The following PATJ variants were observed in gnomAD, a reference collection of about 807,000 sequenced individuals.
The protein encoded by PATJ is PATJ crumbs cell polarity complex component, also known as inaD-like protein.
In PATJ, 190 loss-of-function variants were observed where a neutral mutation model predicts 224.9. The ratio of observed to expected loss-of-function variants is 0.84; its 90% CI spans 0.75 to 0.95. The LOEUF (loss-of-function observed/expected upper bound fraction) is 0.95, where lower values mean the gene tolerates loss of function less well. PATJ is among the 40% of genes least tolerant of loss of function. The pLI, the probability that PATJ is intolerant of heterozygous loss-of-function variation, is 0.00. For missense variants in PATJ, 2,121 were observed against 2,270.3 expected, an observed-to-expected ratio of 0.93 and a Z score of 1.34; for synonymous variants, 769 against 820.3, an observed-to-expected ratio of 0.94 and a Z score of 1.07.
intron 33 of PATJ, among the ~76,000 whole-genome samples, chr1:62,105,299 G>T (rs1428401626): frequency 6.6e-6 from 1 of 152,092 alleles, no homozygotes; most frequent in Non-Finnish European, 1.5e-5. Context: ...CTTTTGTAAT[G>T]TTCCAAGATC....
At chr1:61,923,922 CAAAAAAAAAA>C (rs535481890) in intron 26 of PATJ, among the ~76,000 whole-genome samples, 1 of 77,790 alleles carries the variant, frequency 1.3e-5, no homozygotes, top group African/African-American at 5.5e-5. Flanking sequence ...AACTCCATCT[CAAAAAAAAAA>C]AAAAAAAAGT....
At chr1:61,797,561 G>A in intron 11 of PATJ, 133 bp downstream of exon 11, 2 of 724,066 alleles carry the variant, frequency 2.8e-6, no homozygotes, top group Non-Finnish European at 4.6e-6. Context: ...GGAGAAATGA[G>A]TCAGCTCATT....
At chr1:61,832,860 G>T (rs551772152) in intron 16 of PATJ, among the ~76,000 whole-genome samples, 19 of 152,212 alleles carry the variant, frequency 1.2e-4, no homozygotes, top group African/African-American at 4.3e-4. Context: ...GTTTTTTGAA[G>T]CAGCCATTCT....
chr1:61,914,991 G>A (rs1673248937), intron 26 of PATJ, among the ~76,000 whole-genome samples: 1 of 152,122 alleles, frequency 6.6e-6, no homozygotes, highest in South Asian at 2.1e-4. Context: ...GCTCTCGCCT[G>A]GAAGTCCATT....
chr1:62,072,995 A>G, intron 31 of PATJ: 1 of 974,350 alleles, frequency 1.0e-6, no homozygotes. Flanking sequence ...CAATGCTGCT[A>G]ATTGGTTGTG....
At chr1:62,066,267 A>T (rs1180041240) in intron 31 of PATJ, among the ~76,000 whole-genome samples, 1 of 152,240 alleles carries the variant, frequency 6.6e-6, no homozygotes, top group South Asian at 2.1e-4. Flanking sequence ...CATTTTATAG[A>T]TAAGGAAACT....
chr1:61,751,277 A>G (rs561122235), intron 1 of PATJ, among the ~76,000 whole-genome samples: 7 of 152,278 alleles, frequency 4.6e-5, no homozygotes, highest in African/African-American at 1.4e-4. Context: ...CTGGGAGTAC[A>G]GGCGTGAGCC....
chr1:62,160,967 C>G lies in PATJ; in HGVS notation c.5562C>G (p.Gly1854=). The G allele has an allele frequency of 6.2e-7, 1 of 1,613,558 alleles. No homozygotes were observed. Among genetic ancestry groups the G allele is most frequent in the South Asian group, 1.1e-5 (1 of 90,994 alleles). The change falls in exon 44 of 44, where the codon GGC becomes GGG. Residue 1854 remains glycine, a synonymous_variant. Coordinates refer to ENST00000642238, the MANE Select transcript of PATJ (RefSeq NM_001350145.3). ...KRGDQILAVN[G]ETLEGVTHEQ... ...GGGATCAGATTTTAGCTGTTAATGG[C>G]GAGACCCTGGAAGGTGTTACTCATG...
At chr1:61,774,732 T>G (rs1156540456) in intron 6 of PATJ, among the ~76,000 whole-genome samples, 1 of 152,250 alleles carries the variant, frequency 6.6e-6, no homozygotes, top group African/African-American at 2.4e-5. Flanking sequence ...TCCTTTGTAG[T>G]GCAACTTAAA....
At chr1:62,126,324 C>T (rs887743536) in intron 39 of PATJ, among the ~76,000 whole-genome samples, 5 of 152,154 alleles carry the variant, frequency 3.3e-5, no homozygotes, top group African/African-American at 1.2e-4. Context: ...AAAAATAAAA[C>T]TGGGAACTTC....
chr1:61,981,129 C>T (rs766629335), intron 27 of PATJ, among the ~76,000 whole-genome samples: 6 of 151,942 alleles, frequency 3.9e-5, no homozygotes, highest in Non-Finnish European at 8.8e-5. Context: ...AGATAGTGTC[C>T]ATGTTAGATT....
chr1:62,085,368 CA>C (rs1446175700), intron 33 of PATJ, among the ~76,000 whole-genome samples: 2 of 151,066 alleles, frequency 1.3e-5, no homozygotes, highest in Non-Finnish European at 3.0e-5. Context: ...AAAAAACAAA[CA>C]AAAAACTTTC....
At chr1:61,814,704 C>T (rs935896409) in intron 14 of PATJ, among the ~76,000 whole-genome samples, 6 of 152,114 alleles carry the variant, frequency 3.9e-5, no homozygotes, top group African/African-American at 1.2e-4. Flanking sequence ...TAAAAATCCT[C>T]TTATAATTGG....
chr1:61,791,248 T>C, intron 8 of PATJ, 100 bp from the exon 9 acceptor site: 1 of 634,128 alleles, frequency 1.6e-6, no homozygotes, highest in South Asian at 2.2e-5. Flanking sequence ...CTGCCTGCCA[T>C]AGATGCTAAG....
intron 27 of PATJ, chr1:61,952,253 T>TGA (rs111315851): frequency 9.9e-4 from 469 of 474,830 alleles, no homozygotes; most frequent in South Asian, 2.0e-3. Context: ...GAACAAAATC[T>TGA]GAGAGAGAGA....
In PATJ at chr1:61,856,187, T is replaced by C. The variant is rs1557763631; in HGVS notation, c.2270T>C (p.Leu757Ser). 6.2e-7 allele frequency: 1 copy of C among 1,614,054 alleles called. No individual in the cohort carries two copies. Among genetic ancestry groups the C allele is most frequent in the African/African-American group, 1.3e-5 (1 of 74,920 alleles). The change falls in exon 18 of 44, where the codon TTG becomes TCG. Residue 757 changes from leucine (L) to serine (S), a missense_variant. Coordinates refer to ENST00000642238, the MANE Select transcript of PATJ (RefSeq NM_001350145.3). The part of the protein sequence containing the change: ...NTSLAEAVEI[L>S]KAVPPGLVHL... ...TCACTTGCTGAAGCTGTGGAAATAT[T>C]GAAAGCTGTGCCACCAGGCCTAGTA...
intron 7 of PATJ, among the ~76,000 whole-genome samples, chr1:61,784,163 T>G (rs1353482318): frequency 2.0e-5 from 3 of 152,230 alleles, no homozygotes; most frequent in Non-Finnish European, 2.9e-5. Context: ...TTTTTTCTCT[T>G]TTGAAAGAAT....
chr1:62,003,079 G>C (rs1300717478), intron 28 of PATJ, among the ~76,000 whole-genome samples: 1 of 152,128 alleles, frequency 6.6e-6, no homozygotes, highest in African/African-American at 2.4e-5. Flanking sequence ...ATATCTCAAT[G>C]TCCTAGGAAA....
At chr1:62,102,136 A>G (rs1247937987) in intron 33 of PATJ, among the ~76,000 whole-genome samples, 1 of 152,038 alleles carries the variant, frequency 6.6e-6, no homozygotes, top group Non-Finnish European at 1.5e-5. Flanking sequence ...CTAAGATTGC[A>G]CCACTGCACT....
Sources: gnomAD v4.1 joint callset for allele counts (sites outside exome capture counted in the v4.1 genomes callset) on GRCh38, gnomAD v4.1.1 for gene constraint, MANE v1.5 for transcripts, NCBI Gene and HGNC (gene_info 2026-07-23, HGNC 2026-07-21) for gene names.